The following HPSE2 variants were observed in gnomAD, a reference collection of about 807,000 sequenced individuals.
HPSE2 encodes the protein heparanase 2 (inactive).
Under a neutral mutation model 60.5 loss-of-function variants are expected in HPSE2, and 38 were observed. The ratio of observed to expected loss-of-function variants is 0.63; its 90% CI spans 0.48 to 0.82. The LOEUF (loss-of-function observed/expected upper bound fraction) is 0.82, where lower values mean the gene tolerates loss of function less well. HPSE2 is among the 40% of genes least tolerant of loss of function. The pLI is 0.00. For synonymous variants in HPSE2, 295 were observed against 293.2 expected (o/e 1.01, Z -0.06); for missense variants, 713 against 740.4 (o/e 0.96, Z 0.43).
At chr10:98,698,296 G>A (rs1360580716) in intron 5 of HPSE2, among the ~76,000 whole-genome samples, 95 of 151,318 alleles carry the variant, frequency 6.3e-4, no homozygotes, top group African/African-American at 2.3e-3. Flanking sequence ...CTGTCTCTCA[G>A]ACCACAGTGC....
chr10:98,717,613 G>A (rs1406216374), intron 5 of HPSE2, among the ~76,000 whole-genome samples: 1 of 152,042 alleles, frequency 6.6e-6, no homozygotes, highest in Admixed American at 6.6e-5. Flanking sequence ...TGCGAGAATG[G>A]CTGGTGGGTG....
At chr10:99,250,722 C>G in the HPSE2 span, among the ~76,000 whole-genome samples, 1 of 152,118 alleles carries the variant, frequency 6.6e-6, no homozygotes, top group African/African-American at 2.4e-5. Flanking sequence ...CACACAATTA[C>G]ACAAAAATTA....
chr10:98,911,246 A>C (rs1953970297), intron 3 of HPSE2, among the ~76,000 whole-genome samples: 1 of 152,126 alleles, frequency 6.6e-6, no homozygotes, highest in Non-Finnish European at 1.5e-5. Flanking sequence ...CAACTTCCAG[A>C]TTGTTTGTTA....
intron 3 of HPSE2, among the ~76,000 whole-genome samples, chr10:99,142,106 T>C (rs1263301534): frequency 6.6e-6 from 1 of 152,188 alleles, no homozygotes; most frequent in Non-Finnish European, 1.5e-5. Context: ...ATGCCAGACT[T>C]ATACAGAAAG....
At chr10:98,621,834 A>G (rs1357091527) in intron 7 of HPSE2, among the ~76,000 whole-genome samples, 3 of 152,228 alleles carry the variant, frequency 2.0e-5, no homozygotes, top group Admixed American at 2.0e-4. Context: ...GTGAGGTACT[A>G]CGTAGTACAC....
chr10:98,548,523 A>C (rs1464500424), intron 9 of HPSE2, among the ~76,000 whole-genome samples: 1 of 152,170 alleles, frequency 6.6e-6, no homozygotes, highest in East Asian at 1.9e-4. Flanking sequence ...AGGCTGAGGC[A>C]GGAGAATCAC....
intron 3 of HPSE2, among the ~76,000 whole-genome samples, chr10:98,941,736 G>C (rs1203226848): frequency 7.4e-6 from 1 of 135,438 alleles, no homozygotes; most frequent in Non-Finnish European, 1.5e-5. Flanking sequence ...CTACTTTAAA[G>C]TTCATATGGA....
At chr10:99,294,361 T>A in the HPSE2 span, among the ~76,000 whole-genome samples, 2 of 147,024 alleles carry the variant, frequency 1.4e-5, no homozygotes, top group Non-Finnish European at 3.0e-5. Flanking sequence ...TTTTATATAT[T>A]ATATAGTATA....
intron 3 of HPSE2, among the ~76,000 whole-genome samples, chr10:98,946,441 C>T (rs1488499917): frequency 7.0e-6 from 1 of 142,326 alleles, no homozygotes; most frequent in Non-Finnish European, 1.5e-5. Flanking sequence ...CCACTGCACT[C>T]AAACCTGGGC....
At chr10:98,840,090 A>T (rs1951875850) in intron 3 of HPSE2, among the ~76,000 whole-genome samples, 1 of 152,194 alleles carries the variant, frequency 6.6e-6, no homozygotes. Context: ...GGTGATTTTG[A>T]ACTCAAGTTG....
intron 9 of HPSE2, among the ~76,000 whole-genome samples, chr10:98,536,037 T>G (rs753552978): frequency 6.6e-6 from 1 of 152,216 alleles, no homozygotes; most frequent in Admixed American, 6.5e-5. Context: ...CCCCCTCTTA[T>G]ATGCAGACAA....
chr10:98,915,824 G>C (rs1315849161), intron 3 of HPSE2, among the ~76,000 whole-genome samples: 1 of 152,288 alleles, frequency 6.6e-6, no homozygotes, highest in South Asian at 2.1e-4. Flanking sequence ...GGGTAGAAAT[G>C]CATATAAAAC....
chr10:98,693,131 C>T (rs1948122328), intron 6 of HPSE2, among the ~76,000 whole-genome samples: 1 of 152,164 alleles, frequency 6.6e-6, no homozygotes, highest in African/African-American at 2.4e-5. Flanking sequence ...AGTAAAAGCA[C>T]AGTCTGAGTT....
rs146794713 is a variant in HPSE2 at position 98,620,639 on chromosome 10, T to C, written c.1168A>G (p.Thr390Ala). ...GCATAGGAATCGGATAGATTGTTTG[T>C]GCCTCCAGCTGAGGTGGTCACCACA... ...EGVVTTSAGG[T>A]NNLSDSYAAG... The change falls in exon 8 of 12, where the codon ACA becomes GCA. Residue 390 changes from threonine (T) to alanine (A), a missense_variant. Thr to Ala is a moderately conservative substitution (Grantham distance 58). Coordinates refer to ENST00000370552, the MANE Select transcript of HPSE2 (RefSeq NM_021828.5). The C allele has an allele frequency of 5.2e-5, 84 of 1,614,122 alleles. No homozygotes were observed. The highest frequency in any genetic ancestry group is 1.6e-4 in the Middle Eastern group (1 of 6,062).
intron 3 of HPSE2, among the ~76,000 whole-genome samples, chr10:99,040,626 GT>G (rs1218715673): frequency 6.6e-6 from 1 of 151,468 alleles, no homozygotes; most frequent in African/African-American, 2.4e-5. Flanking sequence ...TTATTTCAAT[GT>G]TTTATGACTT....
intron 3 of HPSE2, among the ~76,000 whole-genome samples, chr10:98,798,189 TA>T (rs1051124329): frequency 0.022 from 3,193 of 143,672 alleles, 110 homozygotes; most frequent in African/African-American, 0.072. Context: ...AAATGCTAAA[TA>T]AAAAAAAAAA....
intron 3 of HPSE2, among the ~76,000 whole-genome samples, chr10:99,059,951 TAA>T (rs1341111223): frequency 6.6e-6 from 1 of 151,906 alleles, no homozygotes; most frequent in Non-Finnish European, 1.5e-5. Flanking sequence ...TATAACAATA[TAA>T]AATTCTATAT....
chr10:98,680,596 C>T (rs1947758598), intron 6 of HPSE2, among the ~76,000 whole-genome samples: 1 of 151,960 alleles, frequency 6.6e-6, no homozygotes, highest in Admixed American at 6.6e-5. Context: ...TTAAGAATGT[C>T]CTTGATAAAG....
chr10:99,228,872 G>A (rs1186272367), intron 2 of HPSE2, among the ~76,000 whole-genome samples: 1 of 152,006 alleles, frequency 6.6e-6, no homozygotes, highest in Non-Finnish European at 1.5e-5. Flanking sequence ...AAAACAAGGG[G>A]AACAACAAAA....
Sources: gnomAD v4.1 joint callset for allele counts (sites outside exome capture counted in the v4.1 genomes callset) on GRCh38, gnomAD v4.1.1 for gene constraint, MANE v1.5 for transcripts, NCBI Gene and HGNC (gene_info 2026-07-23, HGNC 2026-07-21) for gene names.